Variants in NEDD4L observed in about 807,000 individuals in gnomAD.
NEDD4L encodes E3 ubiquitin-protein ligase NEDD4-like.
A neutral mutation model predicts 148.9 loss-of-function variants in NEDD4L; 54 were observed. The ratio of observed to expected loss-of-function variants is 0.36; its 90% CI spans 0.29 to 0.45. NEDD4L has a LOEUF of 0.45. Among genes scored for constraint, NEDD4L ranks in the 20% least tolerant of loss-of-function variants. NEDD4L has a pLI of 1.00. For synonymous variants in NEDD4L, 433 were observed against 440.7 expected, an observed-to-expected ratio of 0.98 and a Z score of 0.22; for missense variants, 856 against 1,233.8, an observed-to-expected ratio of 0.69 and a Z score of 4.59.
chr18:58,159,131 G>C (rs11152061), intron 1 of NEDD4L, among the ~76,000 whole-genome samples: 2 of 152,018 alleles, frequency 1.3e-5, no homozygotes, highest in Non-Finnish European at 2.9e-5. Context: ...GCGTTGGTGT[G>C]GGGAGGGAGA....
intron 1 of NEDD4L, among the ~76,000 whole-genome samples, chr18:58,084,994 C>G (rs905321880): frequency 6.6e-6 from 1 of 152,134 alleles, no homozygotes; most frequent in Non-Finnish European, 1.5e-5. Flanking sequence ...TGCGCCCAGC[C>G]TGGTCTTGTC....
At chr18:58,211,204 T>C (rs189377746) in intron 2 of NEDD4L, among the ~76,000 whole-genome samples, 134 of 152,294 alleles carry the variant, frequency 8.8e-4, no homozygotes, top group African/African-American at 3.1e-3. Context: ...GAGAGAAGAA[T>C]CTTACATTTT....
chr18:58,072,290 T>G (rs2082909444), intron 1 of NEDD4L, among the ~76,000 whole-genome samples: 2 of 152,118 alleles, frequency 1.3e-5, no homozygotes, highest in African/African-American at 4.8e-5. Context: ...ACAATATCCC[T>G]TATAAATACA....
chr18:58,141,921 T>G (rs1218322356), intron 1 of NEDD4L, among the ~76,000 whole-genome samples: 2 of 152,088 alleles, frequency 1.3e-5, no homozygotes, highest in Non-Finnish European at 2.9e-5. Flanking sequence ...CAACGCTGTT[T>G]TGTGAAAGCC....
chr18:58,045,322 G>A (rs185539873), intron 1 of NEDD4L: 301 of 395,086 alleles, frequency 7.6e-4, no homozygotes, highest in African/African-American at 5.6e-3. Context: ...GTTCAAGGCT[G>A]GTGGCAGGTG....
At chr18:58,374,307 G>A (rs1369149411) in intron 24 of NEDD4L, among the ~76,000 whole-genome samples, 1 of 152,162 alleles carries the variant, frequency 6.6e-6, no homozygotes, top group Non-Finnish European at 1.5e-5. Context: ...GTGAGTCCTG[G>A]TGTGGGTGGA....
intron 5 of NEDD4L, among the ~76,000 whole-genome samples, chr18:58,306,966 C>T (rs1008338330): frequency 2.6e-5 from 4 of 152,176 alleles, no homozygotes; most frequent in African/African-American, 9.6e-5. Flanking sequence ...CAGTGTTTGG[C>T]ACATGATAGA....
intron 1 of NEDD4L, among the ~76,000 whole-genome samples, chr18:58,144,301 T>C (rs922714525): frequency 2.6e-5 from 4 of 152,012 alleles, no homozygotes. Flanking sequence ...CTCAGGAAGC[T>C]TCTAATCATG....
chr18:58,062,440 A>G (rs576659422), intron 1 of NEDD4L, among the ~76,000 whole-genome samples: 31 of 152,326 alleles, frequency 2.0e-4, no homozygotes, highest in African/African-American at 7.2e-4. Flanking sequence ...ACAGGGCCTC[A>G]AGTTTTATGT....
intron 19 of NEDD4L, among the ~76,000 whole-genome samples, chr18:58,362,143 G>A (rs2045570997): frequency 6.6e-6 from 1 of 152,214 alleles, no homozygotes; most frequent in South Asian, 2.1e-4. Flanking sequence ...CTCAGCCCCT[G>A]CCAGGAGACA....
chr18:58,322,410 GT>G lies in NEDD4L; in HGVS notation c.349-9del, dbSNP rs748936457. Reference sequence around the variant, plus strand: ...TAGGAATATTAAAATTTAATTTACTGTTTTTTCCCCACAGACAGAAGATCCA... The same window carrying G: ...TAGGAATATTAAAATTTAATTTACTGTTTTTCCCCACAGACAGAAGATCCA... On this transcript the variant is annotated splice_polypyrimidine_tract_variant and intron_variant, in intron 6 of 30. Transcript: ENST00000400345. 53 of 1,412,764 alleles carry G rather than the reference GT, an allele frequency of 3.8e-5. 1 individual carries two copies. In the Middle Eastern group the frequency reaches 9.7e-4, roughly 26 times the overall value. 87.5% of individuals were successfully genotyped at this position (1,412,764 alleles called of 1,614,324 possible).
intron 5 of NEDD4L, among the ~76,000 whole-genome samples, chr18:58,305,262 T>C (rs2056932085): frequency 6.6e-6 from 1 of 152,232 alleles, no homozygotes; most frequent in Non-Finnish European, 1.5e-5. Flanking sequence ...GTTTAATAAG[T>C]AATTATAGTT....
At chr18:58,357,132 T>C (rs2044771700) in intron 18 of NEDD4L, 62 bp from the exon 19 acceptor site, 2 of 1,449,254 alleles carry the variant, frequency 1.4e-6, no homozygotes, top group African/African-American at 1.4e-5. Flanking sequence ...CAAAACTTTC[T>C]TTACATAGAA....
intron 1 of NEDD4L, among the ~76,000 whole-genome samples, chr18:58,066,654 G>GACTGC (rs1454684804): frequency 2.0e-5 from 3 of 152,060 alleles, no homozygotes; most frequent in Non-Finnish European, 4.4e-5. Flanking sequence ...ACATACATGA[G>GACTGC]ACTGCGTAAT....
intron 5 of NEDD4L, among the ~76,000 whole-genome samples, chr18:58,314,752 G>T (rs1325027661): frequency 6.6e-6 from 1 of 152,180 alleles, no homozygotes; most frequent in South Asian, 2.1e-4. Context: ...CCAAACCGTG[G>T]TAACTTTGAT....
At chr18:58,092,842 A>G (rs1423025892) in intron 1 of NEDD4L, among the ~76,000 whole-genome samples, 1 of 142,652 alleles carries the variant, frequency 7.0e-6, no homozygotes, top group East Asian at 2.0e-4. Context: ...AAATCCATGT[A>G]CTCCCTCTCT....
chr18:58,126,551 T>C (rs1293570732), intron 1 of NEDD4L, among the ~76,000 whole-genome samples: 1 of 152,174 alleles, frequency 6.6e-6, no homozygotes, highest in Non-Finnish European at 1.5e-5. Flanking sequence ...TCATGAGCAT[T>C]TGGTTTGTTT....
chr18:58,297,081 T>C (rs1298967861), intron 5 of NEDD4L, among the ~76,000 whole-genome samples: 1 of 152,174 alleles, frequency 6.6e-6, no homozygotes, highest in African/African-American at 2.4e-5. Flanking sequence ...AGTGAGAGTC[T>C]GTCTCAAAAT....
intron 1 of NEDD4L, among the ~76,000 whole-genome samples, chr18:58,069,601 T>A (rs950753833): frequency 2.0e-5 from 3 of 152,166 alleles, no homozygotes; most frequent in African/African-American, 4.8e-5. Flanking sequence ...GAATGGGAAG[T>A]GTTAATGCTG....
Sources: allele counts gnomAD v4.1 joint callset (sites outside exome capture counted in the v4.1 genomes callset), GRCh38; gene constraint gnomAD v4.1.1; transcripts MANE v1.5; gene names NCBI Gene and HGNC (gene_info 2026-07-23, HGNC 2026-07-21).